The following FARS2 variants were observed in gnomAD, a reference collection of about 807,000 sequenced individuals.
FARS2 encodes phenylalanine--tRNA ligase, mitochondrial.
Under a neutral mutation model 46.4 loss-of-function variants are expected in FARS2, and 40 were observed. The observed-to-expected ratio is 0.86, with a 90% CI of 0.67 to 1.12. The LOEUF (loss-of-function observed/expected upper bound fraction) is 1.12. Ranked by LOEUF, FARS2 falls within the 50% of genes most tolerant of loss-of-function variation. The probability of loss-of-function intolerance (pLI) is 0.00; values close to 1 mark genes in which losing one functional copy is unlikely to be tolerated. For synonymous variants in FARS2, 234 were observed against 214.9 expected (o/e 1.09, Z -0.78); for missense variants, 513 against 567.9 (o/e 0.90, Z 0.98).
intron 2 of FARS2, among the ~76,000 whole-genome samples, chr6:5,395,535 A>G (rs777731594): frequency 6.6e-6 from 1 of 152,176 alleles, no homozygotes; most frequent in African/African-American, 2.4e-5. Context: ...ACCTGGAGCC[A>G]CATTTTGACC....
intron 1 of FARS2, among the ~76,000 whole-genome samples, chr6:5,341,235 A>ATATATTTTTTTTTT (rs1561970178): frequency 9.7e-5 from 1 of 10,274 alleles, no homozygotes; most frequent in Non-Finnish European, 2.0e-4. Flanking sequence ...ATATATATAT[A>ATATATTTTTTTTTT]TTTTTTTTTT....
intron 6 of FARS2, among the ~76,000 whole-genome samples, chr6:5,756,491 A>T (rs1181676208): frequency 1.4e-5 from 2 of 145,102 alleles, no homozygotes; most frequent in Admixed American, 1.3e-4. Context: ...TTACCATGGC[A>T]GAGCAGGAGA....
chr6:5,364,154 C>T (rs560792227), intron 1 of FARS2, among the ~76,000 whole-genome samples: 3 of 152,196 alleles, frequency 2.0e-5, no homozygotes, highest in East Asian at 1.9e-4. Context: ...TCACTTTTAA[C>T]CCTGAATTCA....
intron 4 of FARS2, among the ~76,000 whole-genome samples, chr6:5,463,790 G>T (rs185870161): frequency 6.6e-6 from 1 of 151,944 alleles, no homozygotes; most frequent in African/African-American, 2.4e-5. Context: ...ATTCTGCATA[G>T]TGAGTCCCTT....
intron 4 of FARS2, among the ~76,000 whole-genome samples, chr6:5,440,697 T>A (rs1458667453): frequency 1.3e-5 from 2 of 152,206 alleles, no homozygotes; most frequent in African/African-American, 4.8e-5. Flanking sequence ...GTTATTGTTT[T>A]TTAGAAGTGG....
chr6:5,650,493 G>A (rs1304913002), intron 6 of FARS2, among the ~76,000 whole-genome samples: 1 of 152,046 alleles, frequency 6.6e-6, no homozygotes, highest in Admixed American at 6.5e-5. Context: ...GTGAGCTTTG[G>A]TGACTTTGTA....
chr6:5,310,287 A>T (rs1168189405), intron 1 of FARS2, among the ~76,000 whole-genome samples: 1 of 152,204 alleles, frequency 6.6e-6, no homozygotes, highest in Non-Finnish European at 1.5e-5. Flanking sequence ...TTCTATAAGA[A>T]AACATGAGTA....
intron 4 of FARS2, among the ~76,000 whole-genome samples, chr6:5,512,838 C>A (rs1768539631): frequency 6.6e-6 from 1 of 152,084 alleles, no homozygotes; most frequent in African/African-American, 2.4e-5. Context: ...AAAAGGAGAA[C>A]ATAGGTTGGG....
intron 5 of FARS2, among the ~76,000 whole-genome samples, chr6:5,600,557 A>G (rs1774449698): frequency 6.7e-6 from 1 of 149,854 alleles, no homozygotes; most frequent in African/African-American, 2.5e-5. Context: ...TTTATTACAA[A>G]ATGAATAGAT....
At chr6:5,660,596 G>A (rs1394970054) in intron 6 of FARS2, among the ~76,000 whole-genome samples, 1 of 150,692 alleles carries the variant, frequency 6.6e-6, no homozygotes, top group Non-Finnish European at 1.5e-5. Flanking sequence ...CTGCAGTGAG[G>A]CATAATCACA....
chr6:5,300,540 T>C (rs1483063959), intron 1 of FARS2, among the ~76,000 whole-genome samples: 1 of 152,196 alleles, frequency 6.6e-6, no homozygotes, highest in Non-Finnish European at 1.5e-5. Context: ...TGCAGATTTT[T>C]CCCCTTAGTT....
intron 6 of FARS2, among the ~76,000 whole-genome samples, chr6:5,649,626 A>C (rs755762183): frequency 5.3e-5 from 8 of 152,252 alleles, no homozygotes; most frequent in Admixed American, 2.6e-4. Context: ...ACTGATGGCA[A>C]CTCAATAAAG....
chr6:5,455,107 C>T (rs575820008), intron 4 of FARS2, among the ~76,000 whole-genome samples: 21 of 152,182 alleles, frequency 1.4e-4, no homozygotes, highest in Non-Finnish European at 2.8e-4. Context: ...CGGGTGGTCA[C>T]GTGTACTTGT....
chr6:5,584,081 C>G (rs1455408249), intron 5 of FARS2, among the ~76,000 whole-genome samples: 1 of 116,594 alleles, frequency 8.6e-6, no homozygotes, highest in Non-Finnish European at 1.7e-5. Context: ...TAGCTCCCCC[C>G]GACATTCTCT....
chr6:5,723,024 A>G (rs895117218), intron 6 of FARS2, among the ~76,000 whole-genome samples: 16 of 152,222 alleles, frequency 1.1e-4, no homozygotes, highest in African/African-American at 3.1e-4. Context: ...TCCCTGAGAG[A>G]GGGCAGGCAG....
chr6:5,630,814 C>T lies in FARS2; in HGVS notation c.1217+17494C>T, dbSNP rs375864139. 1.6e-4 allele frequency among the ~76,000 whole-genome samples: 24 copies of T among 152,284 alleles called. No homozygotes were observed. The highest frequency in any genetic ancestry group is 4.8e-4 in the African/African-American group (20 of 41,544). ...TTAAATTCACTTCATCAAGTAAAGC[C>T]GGTGTGTCTAACTTAAGAAAGAATG... On this transcript the variant is annotated intron_variant, in intron 6 of 6. Coordinates refer to ENST00000274680, the MANE Select transcript of FARS2 (RefSeq NM_006567.5). This position sits in a 1 kb window ranked among gnomAD's most constrained non-coding sequence, Gnocchi z 4.2.
intron 1 of FARS2, among the ~76,000 whole-genome samples, chr6:5,278,024 A>G (rs1049698070): frequency 5.3e-5 from 8 of 152,180 alleles, no homozygotes; most frequent in South Asian, 4.1e-4. Context: ...TCCTTAAAGT[A>G]TACTTCATCT....
At chr6:5,270,938 C>G (rs1765902026) in intron 1 of FARS2, among the ~76,000 whole-genome samples, 1 of 152,212 alleles carries the variant, frequency 6.6e-6, no homozygotes, top group Non-Finnish European at 1.5e-5. Context: ...GATGCTTACT[C>G]AAAGCTACCT....
chr6:5,611,912 T>G (rs1775210083), intron 5 of FARS2, among the ~76,000 whole-genome samples: 1 of 152,330 alleles, frequency 6.6e-6, no homozygotes, highest in East Asian at 1.9e-4. Context: ...CTTGGCAATC[T>G]CAGTCTCTTA....
Sources: gnomAD v4.1 joint callset for allele counts (sites outside exome capture counted in the v4.1 genomes callset) on GRCh38, gnomAD v4.1.1 for gene constraint, Gnocchi (gnomAD v3.1) non-coding constraint, MANE v1.5 for transcripts, NCBI Gene and HGNC (gene_info 2026-07-23, HGNC 2026-07-21) for gene names.